Variants in MAGI2 observed in about 807,000 individuals in gnomAD.
MAGI2 encodes the protein membrane-associated guanylate kinase, WW and PDZ domain-containing protein 2.
MAGI2 carries 35 observed loss-of-function variants against 133.3 expected under a neutral mutation model. That is an observed-to-expected ratio of 0.26 (90% confidence interval 0.20 to 0.35). MAGI2 has a LOEUF of 0.35. Ranked by LOEUF, MAGI2 falls within the 10% of genes least tolerant of loss-of-function variation. MAGI2 has a pLI of 1.00. For missense variants in MAGI2, 1,636 were observed against 1,863.4 expected (o/e 0.88, Z 2.25); for synonymous variants, 729 against 710.6 (o/e 1.03, Z -0.41).
chr7:78,115,017 A>G (rs1819719395), intron 20 of MAGI2, among the ~76,000 whole-genome samples: 1 of 152,238 alleles, frequency 6.6e-6, no homozygotes, highest in African/African-American at 2.4e-5. Context: ...TTATGGCAAT[A>G]TGGTGGATTA....
intron 2 of MAGI2, among the ~76,000 whole-genome samples, chr7:78,880,874 A>T (rs1008645245): frequency 4.6e-5 from 7 of 152,206 alleles, no homozygotes; most frequent in African/African-American, 1.7e-4. Context: ...AAAGAATTGG[A>T]CAAAGATCTA....
intron 2 of MAGI2, among the ~76,000 whole-genome samples, chr7:78,670,821 T>C (rs1211290466): frequency 1.3e-5 from 2 of 152,162 alleles, no homozygotes; most frequent in African/African-American, 4.8e-5. Context: ...TATCTAACTT[T>C]TCAGTAAGAC....
At chr7:78,237,770 C>T (rs75584235) in intron 10 of MAGI2, among the ~76,000 whole-genome samples, 2,256 of 151,970 alleles carry the variant, frequency 0.015, 64 homozygotes, top group African/African-American at 0.05. Context: ...ATGTGTATTC[C>T]GCCTCATCCC....
At chr7:78,418,027 T>C (rs1798457663) in intron 6 of MAGI2, among the ~76,000 whole-genome samples, 1 of 152,120 alleles carries the variant, frequency 6.6e-6, no homozygotes, top group South Asian at 2.1e-4. Flanking sequence ...TTGCACCTGA[T>C]TGAGCTTAAC....
At chr7:78,178,151 G>T in intron 13 of MAGI2, 49 bp from the exon 14 acceptor site, 1 of 1,188,158 alleles carries the variant, frequency 8.4e-7, no homozygotes, top group Non-Finnish European at 1.3e-6. Context: ...CTCTTTCCCA[G>T]CCCCTGAGGA....
chr7:78,036,530 C>T (rs936927427), intron 21 of MAGI2, among the ~76,000 whole-genome samples: 2 of 152,230 alleles, frequency 1.3e-5, no homozygotes, highest in Non-Finnish European at 1.5e-5. Context: ...GATACTGCTG[C>T]TGTTTTTATT....
intron 2 of MAGI2, among the ~76,000 whole-genome samples, chr7:78,867,161 A>C (rs1172767732): frequency 6.6e-6 from 1 of 150,552 alleles, no homozygotes; most frequent in Non-Finnish European, 1.5e-5. Flanking sequence ...AACTAGAAAT[A>C]CCATTTGACC....
intron 6 of MAGI2, among the ~76,000 whole-genome samples, chr7:78,453,781 G>A (rs1359795354): frequency 6.7e-6 from 1 of 149,508 alleles, no homozygotes; most frequent in African/African-American, 2.6e-5. Context: ...TTGAGACCAG[G>A]GAGGCTTTCT....
Position 78,256,063 on chromosome 7 carries a change from C to T in MAGI2, c.1927G>A (p.Gly643Ser). Residue 643 changes from glycine (G) to serine (S), a missense_variant, in exon 10 of 22, where the codon GGC becomes AGC. Gly to Ser is a moderately conservative substitution (Grantham distance 56, BLOSUM62 0). Coordinates refer to ENST00000354212, the MANE Select transcript of MAGI2 (RefSeq NM_012301.4). ...TGGTTGATCTCAACAATGAGGTCGCCTTCACACAGGCCAGGGCATCCCTGA... is the reference window on the plus strand; with the variant it reads ...TGGTTGATCTCAACAATGAGGTCGCTTTCACACAGGCCAGGGCATCCCTGA... ...DIQGCPGLCE[G>S]DLIVEINQQN... is the part of the protein sequence containing the mutation. 4 of 1,613,740 alleles carry T rather than the reference C, an allele frequency of 2.5e-6. No homozygotes were observed. Among genetic ancestry groups the T allele is most frequent in the Non-Finnish European group, 2.5e-6 (3 of 1,179,904 alleles).
At chr7:79,163,558 A>C (rs1824614139) in intron 1 of MAGI2, among the ~76,000 whole-genome samples, 1 of 152,102 alleles carries the variant, frequency 6.6e-6, no homozygotes, top group Non-Finnish European at 1.5e-5. Flanking sequence ...TATGGAGATA[A>C]ATTAGCCTGA....
At chr7:79,234,373 A>G (rs917216698) in intron 1 of MAGI2, among the ~76,000 whole-genome samples, 13 of 152,052 alleles carry the variant, frequency 8.5e-5, no homozygotes, top group African/African-American at 2.9e-4. Context: ...TCTCCTGGAC[A>G]ATATCCTGCA....
intron 1 of MAGI2, among the ~76,000 whole-genome samples, chr7:79,122,852 C>G (rs2129544752): frequency 6.6e-6 from 1 of 152,178 alleles, no homozygotes; most frequent in African/African-American, 2.4e-5. Context: ...CCACCATGCC[C>G]AGCTAATTTT....
intron 1 of MAGI2, among the ~76,000 whole-genome samples, chr7:79,361,737 A>T (rs989126859): frequency 6.6e-6 from 1 of 152,192 alleles, no homozygotes; most frequent in Non-Finnish European, 1.5e-5. Context: ...ATCATATAGG[A>T]TATATTCTTT....
At chr7:78,841,391 G>C (rs115130914) in intron 2 of MAGI2, among the ~76,000 whole-genome samples, 8,294 of 152,030 alleles carry the variant, frequency 0.055, 286 homozygotes, top group Middle Eastern at 0.085. Context: ...AAGCAACACT[G>C]CTTTCTTGGT....
chr7:78,599,173 A>C (rs1012413849), intron 3 of MAGI2, among the ~76,000 whole-genome samples: 5 of 152,182 alleles, frequency 3.3e-5, no homozygotes, highest in African/African-American at 1.2e-4. Context: ...TTAACGAATC[A>C]TATGGCTTCC....
chr7:78,383,652 T>C (rs1424859980), intron 6 of MAGI2, among the ~76,000 whole-genome samples: 1 of 152,076 alleles, frequency 6.6e-6, no homozygotes, highest in African/African-American at 2.4e-5. Context: ...GCTTTTGAGG[T>C]CTTAGTCATA....
intron 1 of MAGI2, among the ~76,000 whole-genome samples, chr7:79,082,345 G>A (rs943584210): frequency 6.6e-6 from 1 of 151,968 alleles, no homozygotes; most frequent in Non-Finnish European, 1.5e-5. Context: ...GTGTTTTAGA[G>A]TTTTAGCTCT....
At chr7:78,045,088 AC>A (rs1811285973) in intron 21 of MAGI2, among the ~76,000 whole-genome samples, 1 of 152,020 alleles carries the variant, frequency 6.6e-6, no homozygotes, top group African/African-American at 2.4e-5. Context: ...AATTGCTTGA[AC>A]CCAGGAGGCA....
intron 6 of MAGI2, among the ~76,000 whole-genome samples, chr7:78,469,538 C>A (rs1051091078): frequency 8.5e-5 from 13 of 152,270 alleles, no homozygotes; most frequent in African/African-American, 3.1e-4. Flanking sequence ...GCTTTTCTCT[C>A]TTTGGGATTA....
Sources: gnomAD v4.1 joint callset for allele counts (sites outside exome capture counted in the v4.1 genomes callset) on GRCh38, gnomAD v4.1.1 for gene constraint, MANE v1.5 for transcripts, NCBI Gene and HGNC (gene_info 2026-07-23, HGNC 2026-07-21) for gene names.